The following PRELID2 variants were observed in gnomAD, a reference collection of about 807,000 sequenced individuals.
PRELID2 encodes the protein PRELI domain-containing protein 2.
A neutral mutation model predicts 28.4 loss-of-function variants in PRELID2; 25 were observed. That is an observed-to-expected ratio of 0.88 (90% CI 0.64 to 1.23). The LOEUF (loss-of-function observed/expected upper bound fraction) is 1.23. PRELID2 is among the 50% of genes most tolerant of loss of function. The pLI is 0.00. For synonymous variants in PRELID2, 76 were observed against 71.6 expected (o/e 1.06, Z -0.31); for missense variants, 201 against 214.4 (o/e 0.94, Z 0.39).
At chr5:145,569,421 T>C (rs778470896) in intron 1 of PRELID2, among the ~76,000 whole-genome samples, 1 of 152,238 alleles carries the variant, frequency 6.6e-6, no homozygotes, top group Non-Finnish European at 1.5e-5. Flanking sequence ...GATTTTTATT[T>C]TTCATTTCTG....
chr5:145,538,284 C>T (rs923277902), intron 1 of PRELID2, among the ~76,000 whole-genome samples: 1 of 151,786 alleles, frequency 6.6e-6, no homozygotes, highest in African/African-American at 2.4e-5. Flanking sequence ...TCGTGTAATG[C>T]CTCCAGATTT....
chr5:145,588,597 A>T (rs1352429089), intron 1 of PRELID2, among the ~76,000 whole-genome samples: 1 of 152,196 alleles, frequency 6.6e-6, no homozygotes, highest in Non-Finnish European at 1.5e-5. Context: ...ATAAGGTGGC[A>T]TTAAGATAAT....
downstream of PRELID2, chr5:145,471,730 G>T (rs536710939): frequency 6.6e-6 from 1 of 151,898 alleles, no homozygotes; most frequent in South Asian, 2.1e-4. Flanking sequence ...TATTAAATTT[G>T]TGGCATTTTA....
At chr5:145,269,744 T>C in the PRELID2 span, among the ~76,000 whole-genome samples, 1 of 150,016 alleles carries the variant, frequency 6.7e-6, no homozygotes, top group African/African-American at 2.4e-5. Context: ...TATAATTAAT[T>C]TAACAAAAGT....
intron 1 of PRELID2, among the ~76,000 whole-genome samples, chr5:145,540,804 T>A (rs1393283222): frequency 6.6e-6 from 1 of 151,326 alleles, no homozygotes; most frequent in Non-Finnish European, 1.5e-5. Context: ...GAAACCAGAA[T>A]AAATCAACTA....
chr5:145,564,097 C>T (rs980924101), intron 1 of PRELID2, among the ~76,000 whole-genome samples: 1 of 152,184 alleles, frequency 6.6e-6, no homozygotes. Flanking sequence ...TTGAAAAAGA[C>T]TCATTCTGGA....
At chr5:145,314,619 TATA>T in the PRELID2 span, among the ~76,000 whole-genome samples, 1 of 152,026 alleles carries the variant, frequency 6.6e-6, no homozygotes, top group African/African-American at 2.4e-5. Flanking sequence ...ATATAAATAA[TATA>T]ATATCCTTAC....
At chr5:145,669,633 A>G (rs1023233609) in intron 1 of PRELID2, among the ~76,000 whole-genome samples, 3 of 152,076 alleles carry the variant, frequency 2.0e-5, no homozygotes, top group African/African-American at 7.2e-5. Flanking sequence ...TCCTCAGCAG[A>G]TATCTATAGT....
intron 1 of PRELID2, among the ~76,000 whole-genome samples, chr5:145,705,162 T>C (rs1755511302): frequency 6.6e-6 from 1 of 150,968 alleles, no homozygotes; most frequent in Admixed American, 6.6e-5. Context: ...TAACAACTGA[T>C]AAAAAAACAA....
the PRELID2 span, among the ~76,000 whole-genome samples, chr5:145,317,123 G>A: frequency 2.6e-5 from 4 of 152,194 alleles, no homozygotes; most frequent in South Asian, 6.2e-4. Flanking sequence ...TGGAAGGCTG[G>A]TGTGGACTCA....
At chr5:145,263,120 C>T in the PRELID2 span, among the ~76,000 whole-genome samples, 1 of 151,986 alleles carries the variant, frequency 6.6e-6, no homozygotes, top group Non-Finnish European at 1.5e-5. Context: ...AAAAAACTCA[C>T]CCAACAGGAA....
chr5:145,578,131 C>A (rs902220431), intron 1 of PRELID2, among the ~76,000 whole-genome samples: 4 of 152,198 alleles, frequency 2.6e-5, no homozygotes, highest in African/African-American at 9.6e-5. Context: ...ACCTTACTAC[C>A]ACTAGAAACT....
intron 1 of PRELID2, among the ~76,000 whole-genome samples, chr5:145,574,073 T>C (rs1365199744): frequency 6.6e-6 from 1 of 152,014 alleles, no homozygotes; most frequent in Non-Finnish European, 1.5e-5. Flanking sequence ...TCATGGATTA[T>C]CTGAGTGGAC....
chr5:145,806,276 A>T (rs1753501875), intron 4 of PRELID2, among the ~76,000 whole-genome samples: 1 of 152,134 alleles, frequency 6.6e-6, no homozygotes, highest in Admixed American at 6.6e-5. Flanking sequence ...TGTCTTTTAA[A>T]TTCTTATTCT....
chr5:145,764,915 T>C lies in PRELID2; in HGVS notation c.*10+16A>G, dbSNP rs1236021610. 3.8e-6 allele frequency: 6 copies of C among 1,591,216 alleles called. No individual in the cohort carries two copies. Among genetic ancestry groups the C allele is most frequent in the African/African-American group, 2.7e-5 (2 of 74,446 alleles). On this transcript the variant is annotated intron_variant, in intron 6 of 6. Coordinates refer to ENST00000683046, the MANE Select transcript of PRELID2 (RefSeq NM_205846.3). ...TGGCTTGTGTAAATAATTCTGACTTTGCTTTTGGTACTCACTGATGATTCT... is the reference window on the plus strand; with the variant it reads ...TGGCTTGTGTAAATAATTCTGACTTCGCTTTTGGTACTCACTGATGATTCT...
rs539859500 is a variant in PRELID2 at position 145,519,669 on chromosome 5, AC to A, written n.71-46355del. Among the ~76,000 whole-genome samples the A allele has an allele frequency of 3.3e-5, 5 of 152,326 alleles. No homozygotes were observed. The East Asian group carries it at 9.6e-4, about 29-fold the overall frequency. On this transcript the variant is annotated intron_variant and non_coding_transcript_variant, in intron 1 of 2. Transcript: ENST00000510259. The stretch of plus-strand genomic sequence containing the variant: ...CTTTTTATTTTAGCAAGAATCTAGT[AC>A]AGGAAATGTACTATTCTTAAGGACC...
intron 1 of PRELID2, among the ~76,000 whole-genome samples, chr5:145,559,386 T>C (rs1455481131): frequency 6.6e-6 from 1 of 152,092 alleles, no homozygotes; most frequent in Non-Finnish European, 1.5e-5. Flanking sequence ...AAAAGACAGA[T>C]ATATGTCTAC....
At chr5:145,499,247 C>T (rs1326132439) in intron 1 of PRELID2, among the ~76,000 whole-genome samples, 3 of 151,868 alleles carry the variant, frequency 2.0e-5, no homozygotes, top group Non-Finnish European at 4.4e-5. Context: ...GACTCCATCT[C>T]GTAAAATAAA....
the PRELID2 span, among the ~76,000 whole-genome samples, chr5:145,294,749 C>T: frequency 6.6e-6 from 1 of 152,204 alleles, no homozygotes; most frequent in South Asian, 2.1e-4. Flanking sequence ...GTGATAGAAC[C>T]ATGAATCCCT....
Sources: gnomAD v4.1 joint callset for allele counts (sites outside exome capture counted in the v4.1 genomes callset) on GRCh38, gnomAD v4.1.1 for gene constraint, MANE v1.5 for transcripts, NCBI Gene and HGNC (gene_info 2026-07-23, HGNC 2026-07-21) for gene names.